Variants in KCNA6 observed in about 807,000 individuals in gnomAD.
KCNA6 encodes potassium voltage-gated channel subfamily A member 6, also known as human brain potassium channel-2.
Under a neutral mutation model 29.5 loss-of-function variants are expected in KCNA6, and 17 were observed. The observed-to-expected ratio is 0.58, with a 90% CI of 0.39 to 0.86. The LOEUF is 0.86. Among genes scored for constraint, KCNA6 ranks in the 40% least tolerant of loss-of-function variants. KCNA6 has a pLI of 0.00. For synonymous variants in KCNA6, 296 were observed against 304.7 expected, an observed-to-expected ratio of 0.97 and a Z score of 0.30; for missense variants, 450 against 703.4, an observed-to-expected ratio of 0.64 and a Z score of 4.07.
At chr12:4,827,214 TTCCTTCCTTCCTTCC>T in the KCNA6 span, among the ~76,000 whole-genome samples, 1 of 99,328 alleles carries the variant, frequency 1.0e-5, no homozygotes, top group Non-Finnish European at 2.2e-5. Flanking sequence ...CCCTCCTTCC[TTCCTTCCTTCCTTCC>T]TCCTTCCTTC....
At chr12:4,843,243 C>T in the KCNA6 span, among the ~76,000 whole-genome samples, 9 of 151,138 alleles carry the variant, frequency 6.0e-5, no homozygotes, top group African/African-American at 1.9e-4. Context: ...TGCAGTGGCG[C>T]GATCTCGGCT....
chr12:4,842,067 T>C, the KCNA6 span, among the ~76,000 whole-genome samples: 1 of 116,176 alleles, frequency 8.6e-6, no homozygotes, highest in Non-Finnish European at 1.8e-5. Flanking sequence ...GTGTGTCTGC[T>C]GATGAGGAGG....
chr12:4,814,477 C>G (rs1565404708), downstream of KCNA6: 1 of 167,104 alleles, frequency 6.0e-6, no homozygotes, highest in Non-Finnish European at 1.5e-5. The surrounding 1 kb of genome is among the most constrained non-coding windows in gnomAD (Gnocchi z 4.6). Context: ...CTTCTTAAGA[C>G]ATCGAAGAAA....
chr12:4,832,955 C>G, the KCNA6 span, among the ~76,000 whole-genome samples: 1 of 152,072 alleles, frequency 6.6e-6, no homozygotes, highest in African/African-American at 2.4e-5. Context: ...GTTGAAAATA[C>G]GTCTTAAGTG....
the KCNA6 span, among the ~76,000 whole-genome samples, chr12:4,844,423 G>T: frequency 0.56 from 84,471 of 151,510 alleles, 24,016 homozygotes; most frequent in Middle Eastern, 0.59. This position sits in a 1 kb window ranked among gnomAD's most constrained non-coding sequence, Gnocchi z 4.0. Context: ...GGAGAAGGCG[G>T]TGACCTTACT....
the KCNA6 span, among the ~76,000 whole-genome samples, chr12:4,820,092 C>T: frequency 2.6e-5 from 4 of 152,266 alleles, no homozygotes; most frequent in Non-Finnish European, 5.9e-5. Flanking sequence ...CTGAAATAAA[C>T]ATTTAAATGA....
At chr12:4,846,269 T>C in the KCNA6 span, among the ~76,000 whole-genome samples, 84,944 of 151,924 alleles carry the variant, frequency 0.56, 24,264 homozygotes, top group Middle Eastern at 0.6. Flanking sequence ...CATACTAACA[T>C]TGCTTTTTAA....
the KCNA6 span, among the ~76,000 whole-genome samples, chr12:4,832,726 C>T: frequency 6.6e-6 from 1 of 152,314 alleles, no homozygotes; most frequent in Admixed American, 6.5e-5. Context: ...TCCTGCCTCT[C>T]TCAACCCTCC....
At chr12:4,816,191 G>T (rs1053394880), downstream of KCNA6, among the ~76,000 whole-genome samples, 1 of 151,824 alleles carries the variant, frequency 6.6e-6, no homozygotes, top group African/African-American at 2.4e-5. Context: ...GCCACATGGG[G>T]ACACTTTAGA....
At chr12:4,825,185 C>T in the KCNA6 span, among the ~76,000 whole-genome samples, 1 of 152,146 alleles carries the variant, frequency 6.6e-6, no homozygotes, top group African/African-American at 2.4e-5. Context: ...AATGGATACT[C>T]AAGTGACCAT....
chr12:4,831,626 G>C, the KCNA6 span, among the ~76,000 whole-genome samples: 3 of 152,204 alleles, frequency 2.0e-5, no homozygotes, highest in African/African-American at 7.2e-5. Context: ...GTGATGACTT[G>C]ATTGGCCCAA....
At chr12:4,828,990 G>A in the KCNA6 span, among the ~76,000 whole-genome samples, 1 of 152,154 alleles carries the variant, frequency 6.6e-6, no homozygotes, top group Admixed American at 6.5e-5. Flanking sequence ...CGAGCTTGGG[G>A]TCTCTGTGTT....
chr12:4,832,808 G>C, the KCNA6 span, among the ~76,000 whole-genome samples: 1 of 152,248 alleles, frequency 6.6e-6, no homozygotes, highest in South Asian at 2.1e-4. Flanking sequence ...TCTTCATGAA[G>C]TCTTTATGTG....
chr12:4,835,991 A>G, the KCNA6 span, among the ~76,000 whole-genome samples: 2 of 149,054 alleles, frequency 1.3e-5, no homozygotes, highest in Non-Finnish European at 3.0e-5. Context: ...CCAGGCTGGA[A>G]TGCAATGGCA....
the KCNA6 span, among the ~76,000 whole-genome samples, chr12:4,836,383 A>G: frequency 6.6e-6 from 1 of 152,220 alleles, no homozygotes; most frequent in African/African-American, 2.4e-5. Flanking sequence ...GAGGAAGAAC[A>G]ACAAATTCTT....
chr12:4,820,978 C>A, the KCNA6 span, among the ~76,000 whole-genome samples: 5 of 152,180 alleles, frequency 3.3e-5, no homozygotes, highest in Non-Finnish European at 5.9e-5. Context: ...TTATCTGAGT[C>A]TTCTGAATTT....
At chr12:4,836,160 G>C in the KCNA6 span, among the ~76,000 whole-genome samples, 1 of 150,640 alleles carries the variant, frequency 6.6e-6, no homozygotes, top group African/African-American at 2.5e-5. Flanking sequence ...ATGTTGGCCA[G>C]GTTGGTCTTG....
At chr12:4,841,352 T>G in the KCNA6 span, among the ~76,000 whole-genome samples, 1 of 152,238 alleles carries the variant, frequency 6.6e-6, no homozygotes, top group African/African-American at 2.4e-5. Flanking sequence ...AAGATTGATT[T>G]AATCTTATTT....
At chr12:4,833,413 AG>A in the KCNA6 span, among the ~76,000 whole-genome samples, 3 of 152,106 alleles carry the variant, frequency 2.0e-5, no homozygotes, top group African/African-American at 7.3e-5. Flanking sequence ...TGTCTCTAGC[AG>A]GGCAGCCTGG....
Sources: gnomAD v4.1 joint callset for allele counts (sites outside exome capture counted in the v4.1 genomes callset) on GRCh38, gnomAD v4.1.1 for gene constraint, Gnocchi (gnomAD v3.1) non-coding constraint, MANE v1.5 for transcripts, NCBI Gene and HGNC (gene_info 2026-07-23, HGNC 2026-07-21) for gene names.